Variants in PDSS2 observed in about 807,000 individuals in gnomAD.
The protein encoded by PDSS2 is all trans-polyprenyl-diphosphate synthase PDSS2.
In PDSS2, 31 loss-of-function variants were observed where a neutral mutation model predicts 44.5. That is an observed-to-expected ratio of 0.70 (90% CI 0.52 to 0.94). PDSS2 has a LOEUF of 0.94. Ranked by LOEUF, PDSS2 falls within the 40% of genes least tolerant of loss-of-function variation. PDSS2 has a pLI of 0.00. For missense variants in PDSS2, 452 were observed against 482.2 expected (o/e 0.94, Z 0.59); for synonymous variants, 157 against 180.3 (o/e 0.87, Z 1.03).
At chr6:107,438,885 C>T (rs184617883) in intron 1 of PDSS2, among the ~76,000 whole-genome samples, 2 of 152,316 alleles carry the variant, frequency 1.3e-5, no homozygotes, top group East Asian at 1.9e-4. Flanking sequence ...CAACAGTCAT[C>T]ATGACAAAGC....
chr6:107,432,307 G>A (rs1253861066), intron 1 of PDSS2, among the ~76,000 whole-genome samples: 6 of 152,164 alleles, frequency 3.9e-5, no homozygotes, highest in Non-Finnish European at 7.3e-5. Context: ...TTTAACAAAT[G>A]AGCCCACTAT....
intron 2 of PDSS2, among the ~76,000 whole-genome samples, chr6:107,322,481 T>C (rs984315035): frequency 1.3e-5 from 2 of 152,092 alleles, no homozygotes; most frequent in African/African-American, 4.8e-5. Flanking sequence ...ATCGGGCCAC[T>C]GTACTCCAGC....
chr6:107,193,903 G>C (rs1772467691), intron 6 of PDSS2, 49 bp from the exon 7 acceptor site: 1 of 1,215,836 alleles, frequency 8.2e-7, no homozygotes, highest in East Asian at 2.3e-5. Context: ...TAAAAGTTTA[G>C]TGCTTCTATA....
intron 2 of PDSS2, 43 bp from the exon 3 acceptor site, chr6:107,274,270 A>G (rs1337494881): frequency 7.1e-7 from 1 of 1,418,286 alleles, no homozygotes; most frequent in Non-Finnish European, 1.0e-6. Context: ...CAAGAACACC[A>G]TTTTATCACT....
At chr6:107,236,990 G>A (rs1774247917) in intron 4 of PDSS2, among the ~76,000 whole-genome samples, 1 of 151,400 alleles carries the variant, frequency 6.6e-6, no homozygotes, top group South Asian at 2.1e-4. Flanking sequence ...CCAGGCTGAA[G>A]TATAGTGGCA....
chr6:107,240,726 TAA>T (rs936504894), intron 4 of PDSS2, among the ~76,000 whole-genome samples: 1 of 146,358 alleles, frequency 6.8e-6, no homozygotes, highest in Non-Finnish European at 1.5e-5. Context: ...AATAAAAATT[TAA>T]AAAAAAAAAA....
chr6:107,249,227 A>G (rs1774731225), intron 3 of PDSS2, among the ~76,000 whole-genome samples: 1 of 152,222 alleles, frequency 6.6e-6, no homozygotes, highest in South Asian at 2.1e-4. Context: ...GTGTTAACTT[A>G]TTCTTCTTCC....
intron 3 of PDSS2, among the ~76,000 whole-genome samples, chr6:107,259,145 C>T (rs539190412): frequency 6.6e-6 from 1 of 151,786 alleles, no homozygotes; most frequent in Non-Finnish European, 1.5e-5. Context: ...TATAGTAAGC[C>T]CTCAAAAATA....
intron 1 of PDSS2, among the ~76,000 whole-genome samples, chr6:107,353,430 T>C (rs559296006): frequency 6.6e-6 from 1 of 152,336 alleles, no homozygotes; most frequent in Non-Finnish European, 1.5e-5. Flanking sequence ...GTCATAACCA[T>C]TCTATTTAAA....
intron 1 of PDSS2, among the ~76,000 whole-genome samples, chr6:107,388,851 A>C (rs968059034): frequency 1.3e-5 from 2 of 152,222 alleles, no homozygotes; most frequent in African/African-American, 4.8e-5. Flanking sequence ...AAATTGTGGT[A>C]TATCCATACA....
intron 1 of PDSS2, among the ~76,000 whole-genome samples, chr6:107,390,144 G>A (rs763846613): frequency 5.9e-5 from 9 of 152,210 alleles, no homozygotes; most frequent in Middle Eastern, 3.4e-3. Context: ...TACCCTCCAA[G>A]AGCTTAACTT....
rs370135734 is a variant in PDSS2, at chr6:107,336,825, GGTGTGTGTGTGTGTGTGTGTGTGT to G, written c.297-2517_297-2494del. Reference sequence around the variant, plus strand: ...AAAAGGAAAAGAAAAAGAGGTGTGTGGTGTGTGTGTGTGTGTGTGTGTGTGTGTGTGTGTGTGTGTGTGTGTGTG... The same window carrying G: ...AAAAGGAAAAGAAAAAGAGGTGTGTGGTGTGTGTGTGTGTGTGTGTGTGTG... On this transcript the variant is annotated intron_variant, in intron 1 of 7. Transcript: ENST00000369037. Among the ~76,000 whole-genome samples the G allele has an allele frequency of 2.6e-4, 28 of 106,540 alleles. No homozygotes were observed. The East Asian group carries it at 2.7e-3, about 10-fold the overall frequency. The allele number at this position is 106,540 out of a possible 152,430, so 69.9% of individuals were successfully genotyped here.
intron 3 of PDSS2, among the ~76,000 whole-genome samples, chr6:107,272,422 G>C (rs1029216844): frequency 1.3e-5 from 2 of 152,068 alleles, no homozygotes; most frequent in Non-Finnish European, 2.9e-5. Context: ...TGACTGGAGG[G>C]AAGCCATAAT....
At chr6:107,279,326 C>T (rs1056053816) in intron 2 of PDSS2, among the ~76,000 whole-genome samples, 2 of 152,132 alleles carry the variant, frequency 1.3e-5, no homozygotes, top group Non-Finnish European at 2.9e-5. Context: ...CTGATATATG[C>T]CACAAATTTG....
At chr6:107,374,091 C>CTAAAAA (rs1779207229) in intron 1 of PDSS2, among the ~76,000 whole-genome samples, 1 of 151,722 alleles carries the variant, frequency 6.6e-6, no homozygotes, top group Non-Finnish European at 1.5e-5. Context: ...CCCATGTCTA[C>CTAAAAA]AAAAATACAA....
At position 107,259,106 on chromosome 6, in the gene PDSS2, A is replaced by G. The variant is rs530358668; in HGVS notation, c.631-13487T>C. On this transcript the variant is annotated intron_variant, in intron 3 of 7. Coordinates refer to ENST00000369037, the MANE Select transcript of PDSS2 (RefSeq NM_020381.4). Reference sequence around the variant, plus strand: ...CAGGAGACATTAAATGGGTTAATATAGATAAAGCACTTAAAACAGTGCCTA... The same window carrying G: ...CAGGAGACATTAAATGGGTTAATATGGATAAAGCACTTAAAACAGTGCCTA... Among the ~76,000 whole-genome samples the G allele has an allele frequency of 3.9e-5, 6 of 152,328 alleles. No homozygotes were observed. In the East Asian group the frequency reaches 1.2e-3, roughly 29 times the overall value.
At chr6:107,437,324 C>A (rs319073) in intron 1 of PDSS2, among the ~76,000 whole-genome samples, 4,235 of 152,086 alleles carry the variant, frequency 0.028, 97 homozygotes, top group Non-Finnish European at 0.043. Context: ...GAGTCTAAGA[C>A]CAGCAGCCTG....
intron 1 of PDSS2, among the ~76,000 whole-genome samples, chr6:107,396,230 A>G (rs1357329598): frequency 6.6e-6 from 1 of 151,954 alleles, no homozygotes; most frequent in Non-Finnish European, 1.5e-5. Flanking sequence ...TTTTTTTTCC[A>G]TAGCTCCCTC....
intron 2 of PDSS2, among the ~76,000 whole-genome samples, chr6:107,283,292 C>T (rs1401210213): frequency 6.6e-6 from 1 of 151,726 alleles, no homozygotes; most frequent in Non-Finnish European, 1.5e-5. Context: ...CAACACCGCA[C>T]TCCAGCCTGG....
Sources: gnomAD v4.1 joint callset for allele counts (sites outside exome capture counted in the v4.1 genomes callset) on GRCh38, gnomAD v4.1.1 for gene constraint, MANE v1.5 for transcripts, NCBI Gene and HGNC (gene_info 2026-07-23, HGNC 2026-07-21) for gene names.